HDX: variants seen among roughly 807,000 people sequenced by gnomAD.
The protein encoded by HDX is highly divergent homeobox, also known as chromosome X open reading frame 43.
HDX carries 19 observed loss-of-function variants against 45.2 expected under a neutral mutation model. The observed-to-expected ratio is 0.42, with a 90% CI of 0.29 to 0.62. The LOEUF is 0.62. Ranked by LOEUF, HDX falls within the 20% of genes least tolerant of loss-of-function variation. HDX has a pLI of 0.20. For synonymous variants in HDX, 188 were observed against 172.8 expected, an observed-to-expected ratio of 1.09 and a Z score of -0.69; for missense variants, 532 against 493.9, an observed-to-expected ratio of 1.08 and a Z score of -0.73.
At chrX:84,360,809 A>T (rs146436609) in intron 6 of HDX, among the ~76,000 whole-genome samples, 9,683 of 111,539 alleles carry the variant, frequency 0.087, 405 homozygotes, top group East Asian at 0.26. Flanking sequence ...TGTTGTCTAT[A>T]CATTCACTTG....
chrX:84,395,497 A>G (rs973518794), intron 5 of HDX, among the ~76,000 whole-genome samples: 2 of 110,822 alleles, frequency 1.8e-5, no homozygotes, highest in Non-Finnish European at 3.8e-5. Context: ...TAATGTTTTT[A>G]GAATTCTCTC....
intron 2 of HDX, among the ~76,000 whole-genome samples, chrX:84,482,171 T>A: frequency 8.9e-6 from 1 of 111,796 alleles, no homozygotes; most frequent in Middle Eastern, 4.6e-3. Context: ...AGAGCTGAAA[T>A]AAATATATGA....
intron 5 of HDX, among the ~76,000 whole-genome samples, chrX:84,377,964 A>G (rs1294607651): frequency 2.7e-5 from 3 of 111,662 alleles, no homozygotes; most frequent in Non-Finnish European, 5.6e-5. Flanking sequence ...TTACTAATCA[A>G]ACTCCCAAAC....
Position 84,326,246 on chromosome X carries a change from A to G in HDX, c.1879T>C (p.Phe627Leu). The change falls in exon 10 of 11, where the codon TTT becomes CTT. Residue 627 changes from phenylalanine (F) to leucine (L), a missense_variant. Coordinates refer to ENST00000373177, the MANE Select transcript of HDX (RefSeq NM_001177479.2). The stretch of plus-strand genomic sequence containing the variant: ...CTTCTAACAAAAGTCTGAAGTTTAA[A>G]GTATTTTTGCTTTTGAATCTCGAGC... ...NELEIQKQKY[F>L]KLQTFVRSLI... 1 of 1,195,773 alleles carries G rather than the reference A, an allele frequency of 8.4e-7. No homozygotes were observed. Among genetic ancestry groups the G allele is most frequent in the Non-Finnish European group, 1.1e-6 (1 of 881,341 alleles).
intron 3 of HDX, among the ~76,000 whole-genome samples, chrX:84,474,222 A>C (rs917011232): frequency 9.0e-6 from 1 of 111,462 alleles, no homozygotes; most frequent in African/African-American, 3.3e-5. Flanking sequence ...AACCTGGGAG[A>C]GGGAGGTTGC....
At chrX:84,414,620 C>T (rs1350220751) in intron 5 of HDX, among the ~76,000 whole-genome samples, 1 of 111,582 alleles carries the variant, frequency 9.0e-6, no homozygotes, top group African/African-American at 3.3e-5. Context: ...AGACTTCTGC[C>T]GAAAACACAC....
chrX:84,318,132 C>CT lies in HDX; in HGVS notation c.*3756dup, dbSNP rs959983059. On this transcript the variant is annotated 3_prime_UTR_variant, in exon 11 of 11. Transcript: ENST00000373177. ...ATTTGCTTGAAAATATCACTTTACTCTTTTTTCCCCCTAGCAAATCTGTTC... is the reference window on the plus strand; with the variant it reads ...ATTTGCTTGAAAATATCACTTTACTCTTTTTTTCCCCCTAGCAAATCTGTTC... 1 of 110,675 alleles carries CT rather than the reference C, an allele frequency of 9.0e-6. No homozygotes were observed. Among genetic ancestry groups the CT allele is most frequent in the African/African-American group, 3.3e-5 (1 of 30,634 alleles). The allele number at this position is 110,675 out of a possible 1,213,427, so 9.1% of individuals were successfully genotyped here.
rs138738198 is a variant in HDX, at chrX:84,327,512, A to T, written c.1825-1212T>A. ...AAAATGGTCGATTGATTTTCAACAA[A>T]GGTGCTGAGGTCACCCAATAGATAA... On this transcript the variant is annotated intron_variant, in intron 9 of 10. Transcript: ENST00000373177. 4.6e-3 allele frequency among the ~76,000 whole-genome samples: 515 copies of T among 111,973 alleles called. 1 individual carries two copies. Among genetic ancestry groups the T allele is most frequent in the African/African-American group, 0.015 (473 of 30,875 alleles).
chrX:84,471,244 A>G (rs372676021), intron 3 of HDX, among the ~76,000 whole-genome samples: 1 of 97,358 alleles, frequency 1.0e-5, no homozygotes, highest in Non-Finnish European at 2.0e-5. Context: ...GTGTTCTCTC[A>G]ATAGATAGAT....
At chrX:84,373,595 TG>T (rs1198961595) in intron 5 of HDX, among the ~76,000 whole-genome samples, 91 of 110,912 alleles carry the variant, frequency 8.2e-4, no homozygotes, top group Non-Finnish European at 1.6e-3. Context: ...GGATGAAGGC[TG>T]GTTTAATATA....
chrX:84,453,692 C>G (rs1270056268), intron 4 of HDX, among the ~76,000 whole-genome samples: 1 of 111,726 alleles, frequency 9.0e-6, no homozygotes, highest in Non-Finnish European at 1.9e-5. Context: ...GTGCTGGGCT[C>G]ACAGCCAGTA....
intron 5 of HDX, among the ~76,000 whole-genome samples, chrX:84,384,886 G>A (rs2038271826): frequency 9.0e-6 from 1 of 110,872 alleles, no homozygotes; most frequent in Non-Finnish European, 1.9e-5. Context: ...ATTGGTCTGT[G>A]TGTCTGTTTT....
At chrX:84,409,509 G>A (rs2038929884) in intron 5 of HDX, among the ~76,000 whole-genome samples, 1 of 109,143 alleles carries the variant, frequency 9.2e-6, no homozygotes, top group South Asian at 4.1e-4. Context: ...TTAAGAAAAT[G>A]TGGCACATAT....
At chrX:84,453,312 C>G (rs1473966384) in intron 4 of HDX, among the ~76,000 whole-genome samples, 3 of 112,004 alleles carry the variant, frequency 2.7e-5, no homozygotes, top group African/African-American at 3.3e-5. Context: ...CTGAAAGAGG[C>G]AATGAAGAGG....
At chrX:84,328,603 A>G (rs1246163155) in intron 9 of HDX, among the ~76,000 whole-genome samples, 1 of 111,639 alleles carries the variant, frequency 9.0e-6, no homozygotes, top group African/African-American at 3.3e-5. Flanking sequence ...TGAATGACCA[A>G]TAAGCACGTC....
chrX:84,361,382 C>T, intron 6 of HDX, 84 bp downstream of exon 6: 2 of 843,167 alleles, frequency 2.4e-6, no homozygotes, highest in East Asian at 3.2e-5. Context: ...GCTAGCATTG[C>T]TTGGAGCACC....
At chrX:84,473,158 G>T (rs2040483789) in intron 3 of HDX, among the ~76,000 whole-genome samples, 1 of 106,588 alleles carries the variant, frequency 9.4e-6, no homozygotes, top group Non-Finnish European at 1.9e-5. Context: ...TTGTTTTCTT[G>T]TTTTTTTTAC....
At chrX:84,466,446 A>C (rs929711376) in intron 4 of HDX, among the ~76,000 whole-genome samples, 25 of 112,169 alleles carry the variant, frequency 2.2e-4, no homozygotes, top group Non-Finnish European at 4.1e-4. Context: ...TTGAATTTGA[A>C]TCCAGGTCTG....
At chrX:84,436,290 A>C (rs1270201063) in intron 5 of HDX, among the ~76,000 whole-genome samples, 161 of 47,598 alleles carry the variant, frequency 3.4e-3, no homozygotes, top group Admixed American at 5.2e-3. Flanking sequence ...GGGTGGGGGG[A>C]GGGGGGAGGG....
Sources: gnomAD v4.1 joint callset for allele counts (sites outside exome capture counted in the v4.1 genomes callset) on GRCh38, gnomAD v4.1.1 for gene constraint, MANE v1.5 for transcripts, NCBI Gene and HGNC (gene_info 2026-07-23, HGNC 2026-07-21) for gene names.